CACNA2D3: variants seen among roughly 807,000 people sequenced by gnomAD.
CACNA2D3 encodes voltage-dependent calcium channel subunit alpha-2/delta-3.
Under a neutral mutation model 160.6 loss-of-function variants are expected in CACNA2D3, and 60 were observed. The observed-to-expected ratio is 0.37, with a 90% confidence interval of 0.30 to 0.46. CACNA2D3 has a LOEUF of 0.46. Ranked by LOEUF, CACNA2D3 falls within the 20% of genes least tolerant of loss-of-function variation. The pLI is 1.00. For synonymous variants in CACNA2D3, 558 were observed against 492.9 expected (o/e 1.13, Z -1.75); for missense variants, 1,205 against 1,365.0 (o/e 0.88, Z 1.85).
intron 2 of CACNA2D3, among the ~76,000 whole-genome samples, chr3:54,203,561 A>G (rs1327037462): frequency 2.0e-5 from 3 of 152,190 alleles, no homozygotes; most frequent in Non-Finnish European, 2.9e-5. Flanking sequence ...AGCTTGGAAA[A>G]TGAGGGCAAA....
chr3:54,660,650 C>G (rs1699951353), intron 11 of CACNA2D3, among the ~76,000 whole-genome samples: 1 of 152,138 alleles, frequency 6.6e-6, no homozygotes, highest in Admixed American at 6.5e-5. Context: ...GATTATCTGC[C>G]CTACTTACCT....
intron 16 of CACNA2D3, among the ~76,000 whole-genome samples, chr3:54,842,383 T>C (rs915713527): frequency 2.0e-5 from 3 of 152,162 alleles, no homozygotes; most frequent in African/African-American, 7.2e-5. Flanking sequence ...ATTTTCAAGA[T>C]GAGCTAGGTA....
chr3:54,601,232 C>G (rs541674786), intron 9 of CACNA2D3, among the ~76,000 whole-genome samples: 4 of 152,294 alleles, frequency 2.6e-5, no homozygotes, highest in Non-Finnish European at 5.9e-5. Flanking sequence ...GAGACAGTAT[C>G]TCACTGTGTC....
intron 11 of CACNA2D3, among the ~76,000 whole-genome samples, chr3:54,679,150 T>G (rs1223640677): frequency 6.6e-6 from 1 of 152,196 alleles, no homozygotes; most frequent in Non-Finnish European, 1.5e-5. Flanking sequence ...GCGGTCCCAT[T>G]GGTCCTTTTC....
intron 13 of CACNA2D3, among the ~76,000 whole-genome samples, chr3:54,807,419 G>T (rs1352214480): frequency 6.6e-6 from 1 of 152,194 alleles, no homozygotes; most frequent in Non-Finnish European, 1.5e-5. Context: ...CTTCTCAAAA[G>T]AAGGCATTTA....
chr3:54,672,557 T>C (rs1197323607), intron 11 of CACNA2D3, among the ~76,000 whole-genome samples: 1 of 152,144 alleles, frequency 6.6e-6, no homozygotes, highest in African/African-American at 2.4e-5. Flanking sequence ...AAAGATGAAA[T>C]GGATTTGTTG....
chr3:54,263,062 GGT>G (rs1324464957), intron 2 of CACNA2D3, among the ~76,000 whole-genome samples: 6 of 152,084 alleles, frequency 3.9e-5, no homozygotes, highest in African/African-American at 1.4e-4. Flanking sequence ...ACATGTGTGT[GGT>G]GTGTGTGTAT....
intron 29 of CACNA2D3, among the ~76,000 whole-genome samples, chr3:54,980,640 C>A (rs1216433525): frequency 1.3e-5 from 2 of 152,174 alleles, no homozygotes; most frequent in Non-Finnish European, 2.9e-5. Context: ...GTACTAGGTG[C>A]CGAGCCTAGG....
chr3:54,328,490 C>T (rs573117878), intron 3 of CACNA2D3, among the ~76,000 whole-genome samples: 29 of 152,128 alleles, frequency 1.9e-4, no homozygotes, highest in Non-Finnish European at 3.4e-4. Context: ...CCATGTTGGC[C>T]GGGCTGGTCT....
At chr3:54,643,956 C>A (rs1447163047) in intron 11 of CACNA2D3, among the ~76,000 whole-genome samples, 1 of 152,138 alleles carries the variant, frequency 6.6e-6, no homozygotes, top group Non-Finnish European at 1.5e-5. Context: ...TTTATAAAAG[C>A]AGAAGAAAGT....
At chr3:54,833,690 A>AT (rs768606647) in intron 14 of CACNA2D3, among the ~76,000 whole-genome samples, 7 of 152,140 alleles carry the variant, frequency 4.6e-5, no homozygotes, top group African/African-American at 7.2e-5. Flanking sequence ...GAACTTGCAA[A>AT]TTGATGTGTT....
intron 33 of CACNA2D3, among the ~76,000 whole-genome samples, chr3:55,008,888 TACACAC>T (rs4024588): frequency 0.14 from 19,350 of 142,932 alleles, 1,328 homozygotes; most frequent in Middle Eastern, 0.18. Flanking sequence ...CCTCCCTCTA[TACACAC>T]ACACACACAC....
chr3:54,924,975 T>C (rs533883378), intron 27 of CACNA2D3: 1 of 1,611,758 alleles, frequency 6.2e-7, no homozygotes, highest in East Asian at 2.2e-5. Context: ...AAGGGAATTG[T>C]TGGACAAGTT....
Position 55,049,198 on chromosome 3 carries a change from G to A in CACNA2D3, c.2988-24247G>A, listed in dbSNP as rs57028323. ...TAGTTCTTCTAATTGTGATGTTAGG[G>A]TGTCAATTTTGGATCTTTCCTGCTT... On this transcript the variant is annotated intron_variant, in intron 35 of 37. Transcript: ENST00000474759. Among the ~76,000 whole-genome samples, 1,391 of 150,748 alleles carry A rather than the reference G, an allele frequency of 9.2e-3. 31 individuals carry two copies. Among genetic ancestry groups the A allele is most frequent in the African/African-American group, 0.033 (1,323 of 40,452 alleles).
At chr3:54,197,798 A>G (rs1701108205) in intron 2 of CACNA2D3, among the ~76,000 whole-genome samples, 1 of 152,112 alleles carries the variant, frequency 6.6e-6, no homozygotes, top group African/African-American at 2.4e-5. Flanking sequence ...TATCCTTTCC[A>G]TATTCTTCTC....
chr3:55,040,452 T>G (rs1515952), intron 35 of CACNA2D3, among the ~76,000 whole-genome samples: 32,322 of 152,134 alleles, frequency 0.21, 3,564 homozygotes, highest in Admixed American at 0.28. Flanking sequence ...CAGTATTGTT[T>G]AAGAATTCTT....
rs1312615872 is a variant in CACNA2D3 at position 54,460,074 on chromosome 3, A to G, written c.382-43418A>G. On this transcript the variant is annotated intron_variant, in intron 4 of 37. Coordinates refer to ENST00000474759, the MANE Select transcript of CACNA2D3 (RefSeq NM_018398.3). ...GTTTTTCTCAGGTTTGTCAAAGATC[A>G]GATAGTTGTAGATATGCGGCATTAT... Among the ~76,000 whole-genome samples the G allele has an allele frequency of 6.3e-4, 96 of 151,972 alleles. 1 individual carries two copies. The highest frequency in any genetic ancestry group is 2.2e-3 in the African/African-American group (92 of 41,462).
intron 11 of CACNA2D3, among the ~76,000 whole-genome samples, chr3:54,751,510 C>T (rs1217413109): frequency 5.3e-5 from 8 of 152,052 alleles, no homozygotes; most frequent in Admixed American, 5.2e-4. Flanking sequence ...AAGTGCATTG[C>T]TCCATCAGGG....
intron 4 of CACNA2D3, among the ~76,000 whole-genome samples, chr3:54,462,217 T>C (rs1700519472): frequency 6.6e-6 from 1 of 152,196 alleles, no homozygotes; most frequent in African/African-American, 2.4e-5. Flanking sequence ...CATTTTGGAA[T>C]AGGTGTGGTG....
Sources: allele counts gnomAD v4.1 joint callset (sites outside exome capture counted in the v4.1 genomes callset), GRCh38; gene constraint gnomAD v4.1.1; transcripts MANE v1.5; gene names NCBI Gene and HGNC (gene_info 2026-07-23, HGNC 2026-07-21).